Variants in ZBTB46 observed in about 807,000 individuals in gnomAD.
ZBTB46 encodes zinc finger and BTB domain-containing protein 46.
ZBTB46 carries 8 observed loss-of-function variants against 44.1 expected under a neutral mutation model. The observed-to-expected ratio is 0.18, with a 90% CI of 0.11 to 0.33. The LOEUF (loss-of-function observed/expected upper bound fraction) is 0.33, where lower values mean the gene tolerates loss of function less well. ZBTB46 is among the 10% of genes least tolerant of loss of function. ZBTB46 has a pLI of 1.00. For synonymous variants in ZBTB46, 409 were observed against 382.3 expected (o/e 1.07, Z -0.81); for missense variants, 651 against 847.7 (o/e 0.77, Z 2.88).
rs371036990 is a variant in ZBTB46, at chr20:63,790,378, G to A, written c.380C>T (p.Ala127Val). 152 of 1,613,024 alleles carry A rather than the reference G, an allele frequency of 9.4e-5. No homozygotes were observed. The highest frequency in any genetic ancestry group is 1.2e-4 in the Non-Finnish European group (142 of 1,179,936). Residue 127 changes from alanine (A) to valine (V), a missense_variant, in exon 2 of 5, where the codon GCG (alanine) becomes GTG (valine). Transcript: ENST00000245663. Reference sequence around the variant, plus strand: ...CGACTTGATGCTGATGTCCAGCGCCGCCTTGATGAAGTCGTGGCAGGCTTG... The same window carrying A: ...CGACTTGATGCTGATGTCCAGCGCCACCTTGATGAAGTCGTGGCAGGCTTG... ...IVQACHDFIK[A>V]ALDISIKSDA...
At chr20:63,755,774 G>A (rs915145012) in intron 3 of ZBTB46, among the ~76,000 whole-genome samples, 7 of 152,136 alleles carry the variant, frequency 4.6e-5, no homozygotes, top group Non-Finnish European at 2.9e-5. Flanking sequence ...CTTACATCAC[G>A]TAGCTTCATT....
chr20:63,791,445 G>A (rs987972947), intron 1 of ZBTB46, among the ~76,000 whole-genome samples: 11 of 135,712 alleles, frequency 8.1e-5, no homozygotes, highest in African/African-American at 2.2e-4. Flanking sequence ...GCAGTGAGCC[G>A]AGATCGCGCC....
chr20:63,769,208 G>A (rs974020977), intron 3 of ZBTB46: 29 of 985,376 alleles, frequency 2.9e-5, no homozygotes, highest in Non-Finnish European at 3.5e-5. Context: ...CAAGTGTTTG[G>A]CCCAGTTGCC....
intron 1 of ZBTB46, among the ~76,000 whole-genome samples, chr20:63,815,391 GT>G (rs2092743510): frequency 6.6e-6 from 1 of 151,484 alleles, no homozygotes; most frequent in South Asian, 2.1e-4. Flanking sequence ...GGTGCAGTGA[GT>G]GCAGGTGCAG....
intron 1 of ZBTB46, among the ~76,000 whole-genome samples, chr20:63,811,323 T>G (rs933335074): frequency 2.6e-5 from 4 of 151,968 alleles, no homozygotes; most frequent in Non-Finnish European, 2.9e-5. Context: ...TGCCATGGGG[T>G]GGGTCTCCCT....
chr20:63,789,657 T>C (rs775738243), intron 2 of ZBTB46, among the ~76,000 whole-genome samples, 164 bp downstream of exon 2: 14 of 152,244 alleles, frequency 9.2e-5, no homozygotes, highest in Non-Finnish European at 1.0e-4. Context: ...TTGAGATGCA[T>C]TGGCTGCATT....
At chr20:63,797,673 T>A (rs1482762282) in intron 1 of ZBTB46, among the ~76,000 whole-genome samples, 1 of 152,250 alleles carries the variant, frequency 6.6e-6, no homozygotes, top group Non-Finnish European at 1.5e-5. Flanking sequence ...TATTGCTTCC[T>A]GACTTTTTAA....
At chr20:63,806,384 G>A (rs2092681347) in intron 1 of ZBTB46, among the ~76,000 whole-genome samples, 1 of 137,284 alleles carries the variant, frequency 7.3e-6, no homozygotes, top group East Asian at 2.3e-4. Context: ...TCCAGCCCAG[G>A]CAACAACAGT....
chr20:63,762,369 T>C (rs1209587105), intron 3 of ZBTB46, among the ~76,000 whole-genome samples: 1 of 128,838 alleles, frequency 7.8e-6, no homozygotes, highest in Non-Finnish European at 1.6e-5. Flanking sequence ...AAAACTGAGC[T>C]GTTGCCGGGC....
At position 63,746,857 on chromosome 20, in the gene ZBTB46, G is replaced by T. The variant is rs146339881; in HGVS notation, c.*73C>A. On this transcript the variant is annotated 3_prime_UTR_variant, in exon 5 of 5. Coordinates refer to ENST00000245663, the MANE Select transcript of ZBTB46 (RefSeq NM_001369741.1). ...GAGGGGTGAGCGTGGCCCTGGCCCC[G>T]CAGTGGAGACCCACCGGACACACAC... 5.1e-4 allele frequency: 722 copies of T among 1,427,638 alleles called. 3 individuals carry two copies. In the African/African-American group the frequency reaches 9.7e-3, roughly 19 times the overall value. 88.4% of individuals were successfully genotyped at this position (1,427,638 alleles called of 1,614,324 possible). A position where few individuals can be genotyped will look rare whatever the true frequency, so the allele number is the denominator to read the frequency against.
rs2092527649 is a variant in ZBTB46 at position 63,787,777 on chromosome 20, A to C, written c.937+2044T>G. ...AAATGGTTAAAATGGTAAGGTTTAC[A>C]TTATGTATGTTCTACCACAATGATA... On this transcript the variant is annotated intron_variant, in intron 2 of 4. Coordinates refer to ENST00000245663, the MANE Select transcript of ZBTB46 (RefSeq NM_001369741.1). The surrounding 1 kb of genome is among the most constrained non-coding windows in gnomAD (Gnocchi z 4.6). 1 of 152,270 alleles carries C rather than the reference A, an allele frequency of 6.6e-6. No homozygotes were observed. Among genetic ancestry groups the C allele is most frequent in the Non-Finnish European group, 1.5e-5 (1 of 68,048 alleles). 9.4% of individuals were successfully genotyped at this position (152,270 alleles called of 1,614,324 possible). A position where few individuals can be genotyped will look rare whatever the true frequency, so the allele number is the denominator to read the frequency against.
upstream of ZBTB46, among the ~76,000 whole-genome samples, chr20:63,832,240 T>G (rs965321888): frequency 2.0e-5 from 3 of 152,028 alleles, no homozygotes; most frequent in African/African-American, 7.3e-5. This position sits in a 1 kb window ranked among gnomAD's most constrained non-coding sequence, Gnocchi z 5.0. Flanking sequence ...TCCTCAGCCC[T>G]CGGGCGGGTA....
intron 2 of ZBTB46, among the ~76,000 whole-genome samples, chr20:63,782,836 C>T (rs1057217457): frequency 6.6e-6 from 1 of 152,244 alleles, no homozygotes; most frequent in Admixed American, 6.5e-5. Context: ...CAGGCAGTGG[C>T]TCACACCTGT....
rs559608229 is a variant in ZBTB46, at chr20:63,787,566, T to C, written c.937+2255A>G. ...CCCATGGTGCCACAGCTGCCTGCAG[T>C]GCTCAGCACCGTAACTAACACTGGC... On this transcript the variant is annotated intron_variant, in intron 2 of 4. Transcript: ENST00000245663. The surrounding 1 kb of genome is among the most constrained non-coding windows in gnomAD (Gnocchi z 4.6). Among the ~76,000 whole-genome samples the C allele has an allele frequency of 2.0e-5, 3 of 152,328 alleles. No individual in the cohort carries two copies. Among genetic ancestry groups the C allele is most frequent in the East Asian group, 3.9e-4 (2 of 5,178 alleles).
chr20:63,808,992 A>AG (rs2092701435), intron 1 of ZBTB46, among the ~76,000 whole-genome samples: 2 of 147,254 alleles, frequency 1.4e-5, no homozygotes, highest in Non-Finnish European at 3.0e-5. Context: ...AAAAAAAAAA[A>AG]AAAAAAAGAA....
At chr20:63,823,192 TA>T (rs2092802052) in intron 1 of ZBTB46, among the ~76,000 whole-genome samples, 2 of 148,462 alleles carry the variant, frequency 1.3e-5, no homozygotes, top group African/African-American at 5.0e-5. Flanking sequence ...AAAATAAAAA[TA>T]AAAATGGGAA....
chr20:63,780,592 G>A (rs2092461407), intron 2 of ZBTB46, among the ~76,000 whole-genome samples: 1 of 151,860 alleles, frequency 6.6e-6, no homozygotes, highest in African/African-American at 2.4e-5. Context: ...CACGAGGTCA[G>A]GAGTTCAAGA....
At chr20:63,808,424 G>A (rs1269478873) in intron 1 of ZBTB46, among the ~76,000 whole-genome samples, 3 of 152,180 alleles carry the variant, frequency 2.0e-5, no homozygotes, top group African/African-American at 7.2e-5. Flanking sequence ...GGGCCAGGGC[G>A]GAGGTCACGG....
At chr20:63,801,091 C>T (rs1206258717) in intron 1 of ZBTB46, among the ~76,000 whole-genome samples, 1 of 152,206 alleles carries the variant, frequency 6.6e-6, no homozygotes, top group Non-Finnish European at 1.5e-5. Context: ...TTTGTAAATG[C>T]ACCAATCAGT....
Sources: gnomAD v4.1 joint callset for allele counts (sites outside exome capture counted in the v4.1 genomes callset) on GRCh38, gnomAD v4.1.1 for gene constraint, Gnocchi (gnomAD v3.1) non-coding constraint, MANE v1.5 for transcripts, NCBI Gene and HGNC (gene_info 2026-07-23, HGNC 2026-07-21) for gene names.